Variants in GLIPR1L2 observed in about 807,000 individuals in gnomAD.
GLIPR1L2 encodes the protein GLIPR1 like 2, also known as GLIPR1-like protein 2.
A neutral mutation model predicts 28.4 loss-of-function variants in GLIPR1L2; 21 were observed. That is an observed-to-expected ratio of 0.74 (90% CI 0.52 to 1.06). The LOEUF (loss-of-function observed/expected upper bound fraction) is 1.06, where lower values mean the gene tolerates loss of function less well. GLIPR1L2 is among the 50% of genes least tolerant of loss of function. GLIPR1L2 has a pLI of 0.00. For missense variants in GLIPR1L2, 476 were observed against 416.9 expected (o/e 1.14, Z -1.23); for synonymous variants, 145 against 139.3 (o/e 1.04, Z -0.29).
intron 4 of GLIPR1L2, among the ~76,000 whole-genome samples, chr12:75,428,598 A>G (rs2046058091): frequency 6.6e-6 from 1 of 152,190 alleles, no homozygotes; most frequent in Admixed American, 6.5e-5. Flanking sequence ...CCAAATGTTA[A>G]TCACCAAGAC....
chr12:75,425,373 G>T (rs569420572), intron 4 of GLIPR1L2, among the ~76,000 whole-genome samples: 1 of 152,240 alleles, frequency 6.6e-6, no homozygotes, highest in Non-Finnish European at 1.5e-5. Context: ...CCATACTTAG[G>T]GGCAATCACA....
chr12:75,393,676 G>T (rs1396930697), intron 1 of GLIPR1L2, among the ~76,000 whole-genome samples: 1 of 151,800 alleles, frequency 6.6e-6, no homozygotes, highest in East Asian at 1.9e-4. Context: ...CCATTATTTG[G>T]CTGTTGTGAA....
At position 75,423,344 on chromosome 12, in the gene GLIPR1L2, G is replaced by A. The variant is rs548473490; in HGVS notation, c.670+355G>A. ...TAGTATATTCCAAAATATTTATGAA[G>A]TAGCATATATTTAATACCCTTTTCT... On this transcript the variant is annotated intron_variant, in intron 4 of 5. Transcript: ENST00000550916. The A allele has an allele frequency of 1.2e-4, 131 of 1,059,580 alleles. No individual in the cohort carries two copies. In the South Asian group the frequency reaches 2.6e-3, roughly 21 times the overall value. The allele number at this position is 1,059,580 out of a possible 1,614,324, so 65.6% of individuals were successfully genotyped here.
chr12:75,431,117 G>T lies in GLIPR1L2; in HGVS notation c.991G>T (p.Glu331Ter). Residue 331 changes from glutamate to a stop codon, truncating the protein, a stop_gained, in exon 6 of 6, where the codon GAG becomes TAG. Coordinates refer to ENST00000550916, the MANE Select transcript of GLIPR1L2 (RefSeq NM_001270396.2). LOFTEE classifies it low-confidence loss of function (END_TRUNC). ...EEEKEEREEEEEETQKEKMEE... is the reference protein window; with the variant it reads ...EEEKEEREEE ...GGAAAAAGAAGAGAGAGAGGAGGAGGAGGAGGAAACACAAAAAGAAAAGAT... is the reference window on the plus strand; with the variant it reads ...GGAAAAAGAAGAGAGAGAGGAGGAGTAGGAGGAAACACAAAAAGAAAAGAT... The T allele has an allele frequency of 1.0e-6, 1 of 996,544 alleles. No homozygotes were observed. Among genetic ancestry groups the T allele is most frequent in the South Asian group, 1.4e-5 (1 of 71,270 alleles). The allele number at this position is 996,544 out of a possible 1,614,324, so 61.7% of individuals were successfully genotyped here.
rs572858589 is a variant in GLIPR1L2 at position 75,395,075 on chromosome 12, G to A, written c.234+3725G>A. On this transcript the variant is annotated intron_variant, in intron 1 of 5. Transcript: ENST00000550916. ...ACATATTGAAAAGCAACTAATTTTT[G>A]TGTGTTGATTTTGTAACCTGCTACT... is the stretch of plus-strand genomic sequence containing the variant. 1.1e-4 allele frequency among the ~76,000 whole-genome samples: 17 copies of A among 151,870 alleles called. 1 individual carries two copies. The South Asian group carries it at 2.9e-3, about 26-fold the overall frequency.
intron 2 of GLIPR1L2, among the ~76,000 whole-genome samples, chr12:75,411,292 C>T (rs371941663): frequency 3.3e-5 from 5 of 151,748 alleles, no homozygotes; most frequent in East Asian, 1.9e-4. Context: ...AACAACACGA[C>T]GTTATTTAGG....
chr12:75,391,325 C>A lies in GLIPR1L2; in HGVS notation c.209C>A (p.Pro70His), dbSNP rs765984258. ...AATGAGCTGCGGGGCGACGTCATTC[C>A]CCGAGGGTCTAACTTGCGCTTCATG... ...LHNELRGDVI[P>H]RGSNLRFMTW... is the part of the protein sequence containing the mutation. The change falls in exon 1 of 6, where the codon CCC becomes CAC. Residue 70 changes from proline to histidine, a missense_variant. Coordinates refer to ENST00000550916, the MANE Select transcript of GLIPR1L2 (RefSeq NM_001270396.2). 6.2e-7 allele frequency: 1 copy of A among 1,614,152 alleles called. No individual in the cohort carries two copies. Among genetic ancestry groups the A allele is most frequent in the South Asian group, 1.1e-5 (1 of 91,080 alleles).
chr12:75,393,527 G>A (rs183097033), intron 1 of GLIPR1L2, among the ~76,000 whole-genome samples: 24 of 152,060 alleles, frequency 1.6e-4, no homozygotes, highest in Admixed American at 3.9e-4. Flanking sequence ...ATTTCATTTG[G>A]TATAATGTCT....
intron 1 of GLIPR1L2, among the ~76,000 whole-genome samples, chr12:75,404,606 A>G (rs1185284907): frequency 2.0e-5 from 3 of 152,134 alleles, no homozygotes; most frequent in African/African-American, 7.2e-5. Context: ...CTAAGAACAC[A>G]TGTACAAATA....
At chr12:75,405,520 C>A (rs1348108067) in intron 1 of GLIPR1L2, among the ~76,000 whole-genome samples, 15 of 152,118 alleles carry the variant, frequency 9.9e-5, no homozygotes, top group African/African-American at 3.4e-4. Context: ...AATTGGTCAG[C>A]TGAGTAATTG....
chr12:75,422,357 G>A (rs1163209192), intron 3 of GLIPR1L2, among the ~76,000 whole-genome samples: 3 of 149,250 alleles, frequency 2.0e-5, no homozygotes, highest in Non-Finnish European at 4.4e-5. Flanking sequence ...AGGCTGGAGT[G>A]CAGTGGCCCA....
At chr12:75,423,416 TA>T in intron 4 of GLIPR1L2, 2 of 952,410 alleles carry the variant, frequency 2.1e-6, no homozygotes, top group Non-Finnish European at 2.5e-6. Context: ...ATTTCAAAAG[TA>T]AAAAGTAGAA....
At chr12:75,409,625 T>TTA (rs886297600) in intron 1 of GLIPR1L2, among the ~76,000 whole-genome samples, 15 of 145,630 alleles carry the variant, frequency 1.0e-4, no homozygotes, top group South Asian at 2.1e-4. Context: ...TTCTCTAATC[T>TTA]TATATATATA....
intron 4 of GLIPR1L2, among the ~76,000 whole-genome samples, chr12:75,425,493 C>A (rs1351324824): frequency 6.6e-6 from 1 of 152,210 alleles, no homozygotes; most frequent in East Asian, 1.9e-4. Flanking sequence ...TCCACACATG[C>A]AGAAGCCCAG....
chr12:75,428,496 A>C (rs1264711112), intron 4 of GLIPR1L2, among the ~76,000 whole-genome samples: 1 of 150,692 alleles, frequency 6.6e-6, no homozygotes, highest in African/African-American at 2.4e-5. Flanking sequence ...AAAATTTGCA[A>C]CCTGACCATG....
rs1281352684 is a variant in GLIPR1L2 at position 75,412,730 on chromosome 12, C to T, written c.481-868C>T. ...GAGAGGATGTGGAGAAATAGGAACA[C>T]TTTTACACTGTTGGTGGGACTGTAA... On this transcript the variant is annotated intron_variant, in intron 2 of 5. Coordinates refer to ENST00000550916, the MANE Select transcript of GLIPR1L2 (RefSeq NM_001270396.2). Among the ~76,000 whole-genome samples the T allele has an allele frequency of 4.7e-3, 716 of 151,752 alleles. 4 individuals are homozygous for T. The highest frequency in any genetic ancestry group is 0.016 in the African/African-American group (680 of 41,490).
rs2045894061 is a variant in GLIPR1L2, at chr12:75,413,591, A to G, written c.481-7A>G. On this transcript the variant is annotated splice_polypyrimidine_tract_variant and splice_region_variant and intron_variant, in intron 2 of 5. Coordinates refer to ENST00000550916, the MANE Select transcript of GLIPR1L2 (RefSeq NM_001270396.2). The stretch of plus-strand genomic sequence containing the variant: ...ATTTTGTGTCTTTCTTGAAAATTTT[A>G]TTTTAGCTTGTTTGGGACCACTCTT... 13 of 1,510,344 alleles carry G rather than the reference A, an allele frequency of 8.6e-6. No individual in the cohort carries two copies. Among genetic ancestry groups the G allele is most frequent in the Non-Finnish European group, 1.2e-5 (13 of 1,120,986 alleles). The allele number at this position is 1,510,344 out of a possible 1,614,324, so 93.6% of individuals were successfully genotyped here.
chr12:75,404,639 C>A (rs532019903), intron 1 of GLIPR1L2, among the ~76,000 whole-genome samples: 1 of 152,004 alleles, frequency 6.6e-6, no homozygotes, highest in Admixed American at 6.6e-5. Context: ...AAATGAATTT[C>A]TTGATATCTA....
rs2045909417 is a variant in GLIPR1L2, at chr12:75,414,922, G to T, written c.584+1221G>T. On this transcript the variant is annotated intron_variant, in intron 3 of 5. Coordinates refer to ENST00000550916, the MANE Select transcript of GLIPR1L2 (RefSeq NM_001270396.2). The stretch of plus-strand genomic sequence containing the variant: ...ACACTTTTTAGTAAGTGAACACATA[G>T]ATAAATAACATTTTAATTAGACAAT... 1.3e-5 allele frequency among the ~76,000 whole-genome samples: 2 copies of T among 152,022 alleles called. 1 individual carries two copies. The highest frequency in any genetic ancestry group is 4.1e-4 in the South Asian group (2 of 4,830).
Sources: gnomAD v4.1 joint callset for allele counts (sites outside exome capture counted in the v4.1 genomes callset) on GRCh38, gnomAD v4.1.1 for gene constraint, MANE v1.5 for transcripts, NCBI Gene and HGNC (gene_info 2026-07-23, HGNC 2026-07-21) for gene names.